SEMA3C: variants seen among roughly 807,000 people sequenced by gnomAD.
SEMA3C encodes semaphorin-3C.
A neutral mutation model predicts 89.4 loss-of-function variants in SEMA3C; 47 were observed. The ratio of observed to expected loss-of-function variants is 0.53; its 90% CI spans 0.42 to 0.67. SEMA3C has a LOEUF of 0.67. Ranked by LOEUF, SEMA3C falls within the 30% of genes least tolerant of loss-of-function variation. SEMA3C has a pLI of 0.00. For missense variants in SEMA3C, 839 were observed against 929.1 expected (o/e 0.90, Z 1.26); for synonymous variants, 310 against 320.2 (o/e 0.97, Z 0.34).
At chr7:80,766,085 G>T (rs1351518773) in intron 12 of SEMA3C, among the ~76,000 whole-genome samples, 1 of 152,122 alleles carries the variant, frequency 6.6e-6, no homozygotes, top group African/African-American at 2.4e-5. Context: ...CTTTCGACAT[G>T]GTGAAATGTT....
At chr7:80,920,807 G>A (rs3762019), upstream of SEMA3C, among the ~76,000 whole-genome samples, 28 of 152,310 alleles carry the variant, frequency 1.8e-4, no homozygotes, top group East Asian at 5.0e-3. Flanking sequence ...AATAAGCACT[G>A]TGCGTGCTTC....
chr7:80,869,647 T>C (rs182753061), intron 2 of SEMA3C, among the ~76,000 whole-genome samples: 1 of 152,332 alleles, frequency 6.6e-6, no homozygotes, highest in East Asian at 1.9e-4. Flanking sequence ...AATAGCTTTT[T>C]GATTAACATG....
intron 17 of SEMA3C, among the ~76,000 whole-genome samples, chr7:80,748,665 A>C (rs1787853962): frequency 6.6e-6 from 1 of 152,130 alleles, no homozygotes; most frequent in Admixed American, 6.6e-5. Flanking sequence ...TTAGCACCCA[A>C]GCTCTTGTTT....
intron 12 of SEMA3C, among the ~76,000 whole-genome samples, chr7:80,775,823 C>T (rs1394130755): frequency 6.6e-6 from 1 of 152,016 alleles, no homozygotes; most frequent in Non-Finnish European, 1.5e-5. Flanking sequence ...TCAAATACTT[C>T]TGAGGCACAT....
chr7:80,916,077 C>T (rs1792265968), intron 2 of SEMA3C, among the ~76,000 whole-genome samples: 2 of 152,180 alleles, frequency 1.3e-5, no homozygotes, highest in South Asian at 2.1e-4. Context: ...AATCTGAAAT[C>T]ACACCCATTT....
At chr7:80,859,159 ATGTGTGTT>A (rs1790713904) in intron 2 of SEMA3C, among the ~76,000 whole-genome samples, 1 of 151,608 alleles carries the variant, frequency 6.6e-6, no homozygotes, top group Non-Finnish European at 1.5e-5. Flanking sequence ...GTGTGTGTGT[ATGTGTGTT>A]TGTGTGTGTG....
intron 2 of SEMA3C, chr7:80,905,950 G>GT (rs1583998351): frequency 3.3e-6 from 4 of 1,223,344 alleles, no homozygotes; most frequent in Admixed American, 2.4e-5. Flanking sequence ...ATGTAATTTT[G>GT]TTTTGTTTTT....
chr7:80,831,779 A>T (rs763324561), intron 2 of SEMA3C, among the ~76,000 whole-genome samples: 1 of 152,150 alleles, frequency 6.6e-6, no homozygotes. Flanking sequence ...AAGAATTTGG[A>T]ATGATTTTAT....
intron 5 of SEMA3C, among the ~76,000 whole-genome samples, chr7:80,817,851 CAAG>C: frequency 6.6e-6 from 1 of 151,980 alleles, no homozygotes; most frequent in East Asian, 1.9e-4. Context: ...ATTTGAAAGA[CAAG>C]AAATTACACT....
chr7:80,872,619 T>C (rs1309002201), intron 2 of SEMA3C, among the ~76,000 whole-genome samples: 5 of 151,836 alleles, frequency 3.3e-5, no homozygotes, highest in South Asian at 4.2e-4. Flanking sequence ...CTGGTCAATA[T>C]GGTGAAACCC....
At chr7:80,862,625 T>C (rs13246961) in intron 2 of SEMA3C, among the ~76,000 whole-genome samples, 123,172 of 152,098 alleles carry the variant, frequency 0.81, 50,632 homozygotes, top group African/African-American at 0.95. Flanking sequence ...AAAAAGAGCC[T>C]GTATAGCCAA....
chr7:80,882,893 C>A (rs1334803844), intron 2 of SEMA3C, among the ~76,000 whole-genome samples: 3 of 151,752 alleles, frequency 2.0e-5, no homozygotes, highest in Admixed American at 6.6e-5. Context: ...AGAAAAGGTC[C>A]TGATGAGGAG....
intron 2 of SEMA3C, among the ~76,000 whole-genome samples, chr7:80,884,183 A>G (rs1791418100): frequency 6.6e-6 from 1 of 152,224 alleles, no homozygotes; most frequent in Non-Finnish European, 1.5e-5. Flanking sequence ...ACAGATGTAA[A>G]TGAAATCTCA....
In SEMA3C at chr7:80,798,191, A is replaced by G. The variant is rs778914404; in HGVS notation, c.1032T>C (p.Asp344=). The change falls in exon 11 of 18, where the codon GAT becomes GAC. Residue 344 remains aspartate, a synonymous_variant. Coordinates refer to ENST00000265361, the MANE Select transcript of SEMA3C (RefSeq NM_006379.5). ...AAGGCCCATTAAACACAGTCTGTAT[A>G]TCAGATAAATGATACACACACACGG... ...GSAVCVYHLS[D]IQTVFNGPFA... is the part of the protein sequence containing the mutation. The G allele has an allele frequency of 1.4e-5, 23 of 1,590,150 alleles. No homozygotes were observed. Among genetic ancestry groups the G allele is most frequent in the African/African-American group, 4.1e-5 (3 of 73,126 alleles).
intron 13 of SEMA3C, among the ~76,000 whole-genome samples, chr7:80,762,188 G>T (rs966171337): frequency 6.6e-6 from 1 of 151,518 alleles, no homozygotes; most frequent in African/African-American, 2.4e-5. Context: ...GAAATTTTTG[G>T]AATATTCAAT....
chr7:80,917,364 C>G (rs1369633464), intron 1 of SEMA3C, among the ~76,000 whole-genome samples: 4 of 152,172 alleles, frequency 2.6e-5, no homozygotes, highest in Non-Finnish European at 5.9e-5. Context: ...ACTGAAGTCA[C>G]TGGAATCAGT....
At chr7:80,854,390 G>A (rs1274030120) in intron 2 of SEMA3C, among the ~76,000 whole-genome samples, 1 of 152,112 alleles carries the variant, frequency 6.6e-6, no homozygotes, top group Non-Finnish European at 1.5e-5. Context: ...ACTCCCTCTT[G>A]CCAAGTGGAG....
At chr7:80,781,127 T>C (rs1284811498) in intron 12 of SEMA3C, among the ~76,000 whole-genome samples, 1 of 152,178 alleles carries the variant, frequency 6.6e-6, no homozygotes, top group Non-Finnish European at 1.5e-5. Context: ...ATCACATCTC[T>C]AACAATGGCC....
intron 12 of SEMA3C, among the ~76,000 whole-genome samples, chr7:80,778,815 C>T (rs892141339): frequency 2.0e-5 from 3 of 152,154 alleles, no homozygotes; most frequent in Admixed American, 2.0e-4. Flanking sequence ...ACCACCGCAT[C>T]TTCCTTCCTT....
Sources: gnomAD v4.1 joint callset for allele counts (sites outside exome capture counted in the v4.1 genomes callset) on GRCh38, gnomAD v4.1.1 for gene constraint, MANE v1.5 for transcripts, NCBI Gene and HGNC (gene_info 2026-07-23, HGNC 2026-07-21) for gene names.